Variants in LRRC3B observed in about 807,000 individuals in gnomAD.
LRRC3B encodes leucine rich repeat containing 3B, also known as leucine-rich repeat-containing protein 3B.
LRRC3B carries 2 observed loss-of-function variants against 12.8 expected under a neutral mutation model. The ratio of observed to expected loss-of-function variants is 0.16; its 90% CI spans 0.06 to 0.49. The LOEUF (loss-of-function observed/expected upper bound fraction) is 0.49, where lower values mean the gene tolerates loss of function less well. Ranked by LOEUF, LRRC3B falls within the 20% of genes least tolerant of loss-of-function variation. The pLI is 0.96. For missense variants in LRRC3B, 189 were observed against 319.4 expected, an observed-to-expected ratio of 0.59 and a Z score of 3.11; for synonymous variants, 132 against 122.0, an observed-to-expected ratio of 1.08 and a Z score of -0.54.
chr3:26,689,044 T>G (rs1293937318), intron 1 of LRRC3B, among the ~76,000 whole-genome samples: 1 of 152,124 alleles, frequency 6.6e-6, no homozygotes, highest in Non-Finnish European at 1.5e-5. Flanking sequence ...TTTCCACAGG[T>G]GGAGAGACCT....
At chr3:26,647,242 C>T (rs1034506643) in intron 1 of LRRC3B, among the ~76,000 whole-genome samples, 1 of 152,110 alleles carries the variant, frequency 6.6e-6, no homozygotes, top group East Asian at 1.9e-4. Flanking sequence ...ACATGTTACC[C>T]TGAGGTTTTT....
intron 1 of LRRC3B, among the ~76,000 whole-genome samples, chr3:26,668,672 G>C (rs551334610): frequency 1.3e-5 from 2 of 152,082 alleles, no homozygotes; most frequent in South Asian, 4.2e-4. Flanking sequence ...TTGCTTTTTT[G>C]TTGTTTATTT....
chr3:26,684,318 G>T (rs1352080029), intron 1 of LRRC3B, among the ~76,000 whole-genome samples: 1 of 152,174 alleles, frequency 6.6e-6, no homozygotes, highest in Non-Finnish European at 1.5e-5. Context: ...AGGACTATGC[G>T]ATATTCAGAA....
At chr3:26,634,100 T>C (rs1698814901) in intron 1 of LRRC3B, among the ~76,000 whole-genome samples, 1 of 152,240 alleles carries the variant, frequency 6.6e-6, no homozygotes, top group Non-Finnish European at 1.5e-5. Flanking sequence ...TGATAAGCTC[T>C]GCAATTGAAA....
chr3:26,651,314 C>T (rs891956491), intron 1 of LRRC3B, among the ~76,000 whole-genome samples: 1 of 152,154 alleles, frequency 6.6e-6, no homozygotes, highest in African/African-American at 2.4e-5. Flanking sequence ...CTGTGACCAC[C>T]TGTATAAAAT....
chr3:26,710,463 G>T, exon 2 of LRRC3B: 1 of 1,547,606 alleles, frequency 6.5e-7, no homozygotes, highest in South Asian at 1.2e-5. Flanking sequence ...TGTCCAAACT[G>T]ACTGTCATTG....
chr3:26,696,251 G>A (rs529812409), intron 1 of LRRC3B, among the ~76,000 whole-genome samples: 24 of 152,298 alleles, frequency 1.6e-4, no homozygotes, highest in South Asian at 1.0e-3. Context: ...AAAATGATGC[G>A]TGTGTACACA....
chr3:26,622,819 A>T (rs1698543096), exon 1 of LRRC3B: 1 of 152,138 alleles, frequency 6.6e-6, no homozygotes, highest in Non-Finnish European at 1.5e-5. Context: ...GACTGAGCCG[A>T]CTGCATCTCT....
At chr3:26,637,083 G>A (rs566465600) in intron 1 of LRRC3B, among the ~76,000 whole-genome samples, 9 of 149,924 alleles carry the variant, frequency 6.0e-5, no homozygotes, top group East Asian at 2.0e-4. Flanking sequence ...TGCAACCTCC[G>A]CCTCTCGAGT....
At chr3:26,645,657 A>G (rs1158286832) in intron 1 of LRRC3B, among the ~76,000 whole-genome samples, 1 of 152,134 alleles carries the variant, frequency 6.6e-6, no homozygotes, top group Non-Finnish European at 1.5e-5. Flanking sequence ...AGGTAAGAAA[A>G]TTAAGATCCT....
intron 1 of LRRC3B, among the ~76,000 whole-genome samples, chr3:26,695,887 C>T (rs568055856): frequency 2.0e-5 from 3 of 152,150 alleles, no homozygotes; most frequent in African/African-American, 7.2e-5. Flanking sequence ...GAGGGCATTT[C>T]GGCCTCCTCA....
At chr3:26,684,278 T>C (rs1700028778) in intron 1 of LRRC3B, among the ~76,000 whole-genome samples, 2 of 152,216 alleles carry the variant, frequency 1.3e-5, no homozygotes, top group South Asian at 4.1e-4. Flanking sequence ...CCACTGAAAT[T>C]AAGTCAGCCT....
intron 1 of LRRC3B, among the ~76,000 whole-genome samples, chr3:26,674,153 G>C (rs1699809728): frequency 6.6e-6 from 1 of 152,110 alleles, no homozygotes; most frequent in African/African-American, 2.4e-5. Flanking sequence ...TACTGATGCT[G>C]TACTATCAGA....
At chr3:26,624,932 C>G (rs1292083660) in intron 1 of LRRC3B, 1 of 152,256 alleles carries the variant, frequency 6.6e-6, no homozygotes, top group African/African-American at 2.4e-5. Context: ...CATCAAGCCC[C>G]CTATTTCCTG....
intron 1 of LRRC3B, among the ~76,000 whole-genome samples, chr3:26,641,557 C>G (rs1272492276): frequency 6.6e-6 from 1 of 152,090 alleles, no homozygotes; most frequent in Non-Finnish European, 1.5e-5. Context: ...CAATAGAAAA[C>G]CACTGCAGTT....
chr3:26,671,582 A>T (rs2125432681), intron 1 of LRRC3B, among the ~76,000 whole-genome samples: 1 of 150,120 alleles, frequency 6.7e-6, no homozygotes, highest in Admixed American at 6.6e-5. Context: ...TTTAGTAGAG[A>T]CGGGGTTTCG....
rs530142803 is a variant in LRRC3B at position 26,667,909 on chromosome 3, CTTTAT to C, written c.-160-41590_-160-41586del. Among the ~76,000 whole-genome samples, 144 of 151,590 alleles carry C rather than the reference CTTTAT, an allele frequency of 9.5e-4. 2 individuals are homozygous for C. Among genetic ancestry groups the C allele is most frequent in the Non-Finnish European group, 1.5e-3 (101 of 67,822 alleles). ...CCAATTTTTTTTTACATAAAACAAA[CTTTAT>C]TTTATTTTATTTTTTTATTTTATTA... On this transcript the variant is annotated intron_variant, in intron 1 of 1. Transcript: ENST00000396641.
intron 1 of LRRC3B, among the ~76,000 whole-genome samples, chr3:26,702,321 T>C (rs181585789): frequency 2.6e-5 from 4 of 152,316 alleles, no homozygotes; most frequent in Non-Finnish European, 4.4e-5. Context: ...ATATTCTCTG[T>C]TCCTCATGCA....
At chr3:26,662,836 T>G (rs1456233738) in intron 1 of LRRC3B, among the ~76,000 whole-genome samples, 3 of 152,146 alleles carry the variant, frequency 2.0e-5, no homozygotes, top group Admixed American at 2.0e-4. Context: ...ATTATCATTA[T>G]TTTTAGGAAG....
Sources: gnomAD v4.1 joint callset for allele counts (sites outside exome capture counted in the v4.1 genomes callset) on GRCh38, gnomAD v4.1.1 for gene constraint, MANE v1.5 for transcripts, NCBI Gene and HGNC (gene_info 2026-07-23, HGNC 2026-07-21) for gene names.